METTL16: variants seen among roughly 807,000 people sequenced by gnomAD.
The protein encoded by METTL16 is RNA N(6)-adenosine-methyltransferase METTL16.
In METTL16, 19 loss-of-function variants were observed where a neutral mutation model predicts 57.9. The ratio of observed to expected loss-of-function variants is 0.33; its 90% CI spans 0.23 to 0.48. The LOEUF is 0.48. Ranked by LOEUF, METTL16 falls within the 20% of genes least tolerant of loss-of-function variation. The pLI is 0.99. For synonymous variants in METTL16, 246 were observed against 255.6 expected (o/e 0.96, Z 0.36); for missense variants, 434 against 691.5 (o/e 0.63, Z 4.18).
intron 8 of METTL16, among the ~76,000 whole-genome samples, chr17:2,430,710 G>C (rs918277543): frequency 6.6e-6 from 1 of 151,860 alleles, no homozygotes; most frequent in East Asian, 1.9e-4. Flanking sequence ...GAGCCACCGC[G>C]CCCAGCCTAG....
chr17:2,501,463 T>G (rs2067486738), intron 2 of METTL16, among the ~76,000 whole-genome samples: 2 of 152,092 alleles, frequency 1.3e-5, no homozygotes, highest in Non-Finnish European at 2.9e-5. Flanking sequence ...ATAAATCAAC[T>G]TCTTAAATTT....
chr17:2,418,270 T>C lies in METTL16; in HGVS notation c.*1700A>G, dbSNP rs1253413736. The C allele has an allele frequency of 6.6e-6, 1 of 152,066 alleles. No homozygotes were observed. Among genetic ancestry groups the C allele is most frequent in the African/African-American group, 2.4e-5 (1 of 41,394 alleles). 9.4% of individuals were successfully genotyped at this position (152,066 alleles called of 1,614,324 possible). A position where few individuals can be genotyped will look rare whatever the true frequency, so the allele number is the denominator to read the frequency against. ...GTAACTCTAGGAGGTACATGGACTC[T>C]CTGGAGGTCCACGGACCAGGTTAAG... On this transcript the variant is annotated 3_prime_UTR_variant, in exon 10 of 10. Transcript: ENST00000263092.
intron 2 of METTL16, among the ~76,000 whole-genome samples, chr17:2,487,783 T>C (rs1479408058): frequency 6.6e-6 from 1 of 151,330 alleles, no homozygotes; most frequent in African/African-American, 2.4e-5. Flanking sequence ...GCGGGAGGAT[T>C]GCTTGAGCCC....
At chr17:2,502,686 C>T (rs1182003378) in intron 1 of METTL16, among the ~76,000 whole-genome samples, 2 of 150,262 alleles carry the variant, frequency 1.3e-5, no homozygotes, top group Admixed American at 6.6e-5. Flanking sequence ...GAAACTCCGT[C>T]TCAAAAAAAA....
At chr17:2,429,580 C>T (rs1277099369) in intron 8 of METTL16, among the ~76,000 whole-genome samples, 2 of 151,206 alleles carry the variant, frequency 1.3e-5, no homozygotes, top group Non-Finnish European at 2.9e-5. Flanking sequence ...AGAAGTACCT[C>T]AGCTAATAAA....
intron 1 of METTL16, among the ~76,000 whole-genome samples, chr17:2,511,002 T>C (rs1356407969): frequency 6.6e-5 from 10 of 152,068 alleles, no homozygotes; most frequent in Non-Finnish European, 1.0e-4. Flanking sequence ...TCACCGCATA[T>C]CCCAACGCCT....
chr17:2,508,949 A>G (rs896573690), intron 1 of METTL16, among the ~76,000 whole-genome samples: 1 of 152,038 alleles, frequency 6.6e-6, no homozygotes. Context: ...TACTGCCTGT[A>G]AGACTCTCCT....
Position 2,418,469 on chromosome 17 carries a change from A to C in METTL16, c.*1501T>G, listed in dbSNP as rs1293784202. ...GCCAGGCGTGGTGGCGCGTGCCTGTAATCCCAGCTACTTGGGAGGCTGAGG... is the reference window on the plus strand; with the variant it reads ...GCCAGGCGTGGTGGCGCGTGCCTGTCATCCCAGCTACTTGGGAGGCTGAGG... On this transcript the variant is annotated 3_prime_UTR_variant, in exon 10 of 10. Transcript: ENST00000263092. 1 of 152,384 alleles carries C rather than the reference A, an allele frequency of 6.6e-6. No homozygotes were observed. Among genetic ancestry groups the C allele is most frequent in the Non-Finnish European group, 1.5e-5 (1 of 68,192 alleles). The allele number at this position is 152,384 out of a possible 1,614,324, so 9.4% of individuals were successfully genotyped here. A position where few individuals can be genotyped will look rare whatever the true frequency, so the allele number is the denominator to read the frequency against.
At chr17:2,507,309 C>G (rs2067549891) in intron 1 of METTL16, among the ~76,000 whole-genome samples, 1 of 148,036 alleles carries the variant, frequency 6.8e-6, no homozygotes. Flanking sequence ...GGCCAGCCAC[C>G]CCATCCAGGA....
chr17:2,458,805 CT>C (rs58409318), intron 6 of METTL16, among the ~76,000 whole-genome samples: 38,532 of 146,410 alleles, frequency 0.26, 8,095 homozygotes, highest in African/African-American at 0.59. Flanking sequence ...GGGTGAGTCC[CT>C]TTTTTTTTTT....
In METTL16 at chr17:2,492,914, A is replaced by AAAC. The variant is rs1555621107; in HGVS notation, c.128+9287_128+9289dup. ...CTCCGTCTCAAAAAAAAAAAAAAAA[A>AAAC]AACAACAAAAAAAACACAGCTGGAA... On this transcript the variant is annotated intron_variant, in intron 2 of 9. Transcript: ENST00000263092. Among the ~76,000 whole-genome samples, 344 of 143,570 alleles carry AAAC rather than the reference A, an allele frequency of 2.4e-3. 19 individuals carry two copies. The highest frequency in any genetic ancestry group is 3.6e-3 in the Middle Eastern group (1 of 274). 94.2% of individuals were successfully genotyped at this position (143,570 alleles called of 152,430 possible).
intron 6 of METTL16, among the ~76,000 whole-genome samples, chr17:2,443,983 C>T (rs941510004): frequency 3.9e-5 from 6 of 152,116 alleles, no homozygotes; most frequent in African/African-American, 1.4e-4. Flanking sequence ...TTAATAATGA[C>T]ATATTACATA....
At chr17:2,447,152 C>T (rs1465867154) in intron 6 of METTL16, among the ~76,000 whole-genome samples, 1 of 145,460 alleles carries the variant, frequency 6.9e-6, no homozygotes, top group East Asian at 1.9e-4. Flanking sequence ...CTCTTCCCCG[C>T]CGCCTTCCCA....
At chr17:2,426,288 C>T (rs1404352505) in intron 8 of METTL16, among the ~76,000 whole-genome samples, 4 of 152,034 alleles carry the variant, frequency 2.6e-5, no homozygotes, top group East Asian at 1.9e-4. Flanking sequence ...AACTCCTGTG[C>T]GCAGGTGATT....
At chr17:2,499,074 G>T (rs1296739837) in intron 2 of METTL16, among the ~76,000 whole-genome samples, 1 of 151,400 alleles carries the variant, frequency 6.6e-6, no homozygotes, top group East Asian at 1.9e-4. Flanking sequence ...CCAAAGTCAG[G>T]GTACGGTCTC....
At chr17:2,474,178 G>A (rs1475363465) in intron 3 of METTL16, among the ~76,000 whole-genome samples, 1 of 152,072 alleles carries the variant, frequency 6.6e-6, no homozygotes, top group East Asian at 1.9e-4. Flanking sequence ...TTTGTAAAGA[G>A]TCTTCATTTT....
chr17:2,511,735 G>A (rs1170951329), intron 1 of METTL16, 24 bp downstream of exon 1: 1 of 398,040 alleles, frequency 2.5e-6, no homozygotes, highest in Non-Finnish European at 4.4e-6. Flanking sequence ...TAGTAAATCT[G>A]CGTGAGAGAT....
intron 2 of METTL16, among the ~76,000 whole-genome samples, chr17:2,492,807 G>T (rs1215245139): frequency 7.0e-6 from 1 of 142,990 alleles, no homozygotes; most frequent in Non-Finnish European, 1.5e-5. Context: ...TGAGGCAGGA[G>T]AATTGCTTGA....
chr17:2,454,014 A>T (rs999582148), intron 6 of METTL16, among the ~76,000 whole-genome samples: 7 of 152,126 alleles, frequency 4.6e-5, no homozygotes, highest in Admixed American at 4.6e-4. Flanking sequence ...TATCTTATTC[A>T]ATGGGTTATA....
Sources: gnomAD v4.1 joint callset for allele counts (sites outside exome capture counted in the v4.1 genomes callset) on GRCh38, gnomAD v4.1.1 for gene constraint, MANE v1.5 for transcripts, NCBI Gene and HGNC (gene_info 2026-07-23, HGNC 2026-07-21) for gene names.